The following SHANK2 variants were observed in gnomAD, a reference collection of about 807,000 sequenced individuals.
SHANK2 encodes SH3 and multiple ankyrin repeat domains protein 2.
SHANK2 carries 43 observed loss-of-function variants against 133.7 expected under a neutral mutation model. That is an observed-to-expected ratio of 0.32 (90% CI 0.25 to 0.41). The LOEUF (loss-of-function observed/expected upper bound fraction) is 0.41. Among genes scored for constraint, SHANK2 ranks in the 10% least tolerant of loss-of-function variants. SHANK2 has a pLI of 1.00. For synonymous variants in SHANK2, 1,017 were observed against 952.8 expected (o/e 1.07, Z -1.24); for missense variants, 1,994 against 2,235.8 (o/e 0.89, Z 2.18).
chr11:70,915,128 C>T (rs111533103), intron 10 of SHANK2, among the ~76,000 whole-genome samples: 943 of 152,246 alleles, frequency 6.2e-3, no homozygotes, highest in Non-Finnish European at 8.8e-3. Flanking sequence ...TTTCTGGGTA[C>T]TGCTGGCTTG....
intron 3 of SHANK2, among the ~76,000 whole-genome samples, chr11:71,135,711 C>T (rs1439310609): frequency 1.3e-5 from 2 of 152,104 alleles, no homozygotes; most frequent in Admixed American, 1.3e-4. Context: ...CTGCCTCAGC[C>T]TCCCAAAGTG....
chr11:70,665,340 T>C (rs1177607114), intron 15 of SHANK2, among the ~76,000 whole-genome samples: 1 of 152,072 alleles, frequency 6.6e-6, no homozygotes, highest in Non-Finnish European at 1.5e-5. Flanking sequence ...AGGGTCTCAC[T>C]GTGTTGCCCA....
In SHANK2 at chr11:70,774,102, T is replaced by C. The variant is rs1947311016; in HGVS notation, c.1777+24341A>G. The stretch of plus-strand genomic sequence containing the variant: ...ATAGAAACAAAGTATGGTATAACCA[T>C]ACAATGAAATACAACTCAGCCATAA... On this transcript the variant is annotated intron_variant, in intron 14 of 25. Transcript: ENST00000601538. Among the ~76,000 whole-genome samples, 3 of 152,196 alleles carry C rather than the reference T, an allele frequency of 2.0e-5. No individual in the cohort carries two copies. The South Asian group carries it at 6.2e-4, about 31-fold the overall frequency.
intron 1 of SHANK2, among the ~76,000 whole-genome samples, chr11:71,235,786 T>C (rs1954819550): frequency 6.6e-6 from 1 of 151,960 alleles, no homozygotes; most frequent in South Asian, 2.1e-4. Flanking sequence ...CGATCTTCAG[T>C]TTTTGTCAGA....
chr11:70,625,786 C>A (rs1298794013), intron 17 of SHANK2, among the ~76,000 whole-genome samples: 1 of 131,350 alleles, frequency 7.6e-6, no homozygotes, highest in Non-Finnish European at 1.6e-5. Flanking sequence ...CTCAGTGCAG[C>A]CTCTTGGATC....
At chr11:70,704,631 T>C (rs1245411516) in intron 14 of SHANK2, among the ~76,000 whole-genome samples, 1 of 64,880 alleles carries the variant, frequency 1.5e-5, no homozygotes, top group Admixed American at 1.7e-4. Flanking sequence ...AGAGATGCGA[T>C]GGAAGGACAC....
At chr11:70,702,110 TCATCACCAC>T (rs1257545341) in intron 14 of SHANK2, among the ~76,000 whole-genome samples, 1 of 149,338 alleles carries the variant, frequency 6.7e-6, no homozygotes, top group African/African-American at 2.5e-5. Flanking sequence ...TTCTTCACCA[TCATCACCAC>T]CATCACCACA....
intron 2 of SHANK2, among the ~76,000 whole-genome samples, chr11:71,170,164 C>T (rs1186604363): frequency 1.3e-5 from 2 of 152,096 alleles, no homozygotes; most frequent in African/African-American, 2.4e-5. Flanking sequence ...TATCAAAATA[C>T]ATCCAAATTT....
At chr11:70,606,346 G>A (rs911249573) in intron 17 of SHANK2, among the ~76,000 whole-genome samples, 14 of 151,992 alleles carry the variant, frequency 9.2e-5, no homozygotes, top group South Asian at 2.1e-4. Flanking sequence ...GAGGCCAGGC[G>A]TTTGAGACCA....
intron 15 of SHANK2, among the ~76,000 whole-genome samples, chr11:70,662,362 C>T (rs1473153041): frequency 6.6e-6 from 1 of 151,978 alleles, no homozygotes; most frequent in African/African-American, 2.4e-5. Context: ...ACAGTGCGCC[C>T]GGCGGCTGCC....
At chr11:70,886,718 CACA>C (rs782282712) in intron 11 of SHANK2, among the ~76,000 whole-genome samples, 26,420 of 151,586 alleles carry the variant, frequency 0.17, 2,739 homozygotes, top group Middle Eastern at 0.24. Context: ...CACACACACA[CACA>C]CCCCTAACAT....
intron 17 of SHANK2, among the ~76,000 whole-genome samples, chr11:70,536,190 C>T (rs1554974175): frequency 2.0e-5 from 3 of 152,220 alleles, no homozygotes; most frequent in Admixed American, 6.5e-5. Flanking sequence ...CCTCACTGCC[C>T]GGCTCTGTGC....
At chr11:70,893,719 T>C (rs1211101198) in intron 11 of SHANK2, among the ~76,000 whole-genome samples, 7 of 152,220 alleles carry the variant, frequency 4.6e-5, no homozygotes, top group Non-Finnish European at 8.8e-5. Context: ...TTTTCTAAAC[T>C]ATCCTTTCCC....
intron 14 of SHANK2, among the ~76,000 whole-genome samples, chr11:70,756,511 G>A (rs781937343): frequency 1.3e-5 from 2 of 152,074 alleles, no homozygotes; most frequent in African/African-American, 4.8e-5. Context: ...ATCCACCGCC[G>A]CCTGCACGCT....
chr11:70,932,573 T>C (rs1950517897), intron 10 of SHANK2, among the ~76,000 whole-genome samples: 1 of 152,184 alleles, frequency 6.6e-6, no homozygotes, highest in Admixed American at 6.5e-5. Flanking sequence ...GGGCCACACC[T>C]TCCCATTGTG....
At chr11:71,168,417 C>G (rs1287466833) in intron 2 of SHANK2, among the ~76,000 whole-genome samples, 1 of 131,386 alleles carries the variant, frequency 7.6e-6, no homozygotes, top group Non-Finnish European at 1.6e-5. Flanking sequence ...ACTTCCCAGA[C>G]GGGGTGGCGG....
At chr11:70,797,915 A>C (rs1555049532) in intron 14 of SHANK2, among the ~76,000 whole-genome samples, 2 of 151,466 alleles carry the variant, frequency 1.3e-5, no homozygotes, top group African/African-American at 4.9e-5. Flanking sequence ...CATTTTAATC[A>C]GTTCAATCTC....
intron 14 of SHANK2, among the ~76,000 whole-genome samples, chr11:70,716,871 C>T (rs1374899903): frequency 7.3e-5 from 11 of 150,524 alleles, no homozygotes; most frequent in African/African-American, 2.2e-4. Flanking sequence ...AGGCGCCTCA[C>T]ATCTCACTGG....
At chr11:71,072,332 G>A (rs899308316) in intron 9 of SHANK2, among the ~76,000 whole-genome samples, 3 of 152,064 alleles carry the variant, frequency 2.0e-5, no homozygotes, top group South Asian at 4.1e-4. Flanking sequence ...TCACCTCCCC[G>A]TGAGGCCACG....
Sources: allele counts gnomAD v4.1 joint callset (sites outside exome capture counted in the v4.1 genomes callset), GRCh38; gene constraint gnomAD v4.1.1; transcripts MANE v1.5; gene names NCBI Gene and HGNC (gene_info 2026-07-23, HGNC 2026-07-21).